Variants in MDGA2 observed in about 807,000 individuals in gnomAD.
MDGA2 encodes MAM domain-containing glycosylphosphatidylinositol anchor protein 2.
MDGA2 carries 40 observed loss-of-function variants against 117.8 expected under a neutral mutation model. That is an observed-to-expected ratio of 0.34 (90% CI 0.26 to 0.44). MDGA2 has a LOEUF of 0.44. Ranked by LOEUF, MDGA2 falls within the 20% of genes least tolerant of loss-of-function variation. MDGA2 has a pLI of 1.00. For synonymous variants in MDGA2, 452 were observed against 439.0 expected (o/e 1.03, Z -0.37); for missense variants, 1,123 against 1,250.6 (o/e 0.90, Z 1.54).
chr14:47,058,325 C>T (rs878990982), intron 7 of MDGA2, among the ~76,000 whole-genome samples: 1 of 152,028 alleles, frequency 6.6e-6, no homozygotes, highest in Admixed American at 6.6e-5. Flanking sequence ...ATGCTTAGCC[C>T]ACAAGTCAGC....
intron 10 of MDGA2, among the ~76,000 whole-genome samples, chr14:46,891,604 T>C (rs1000159164): frequency 1.3e-5 from 2 of 151,502 alleles, no homozygotes; most frequent in African/African-American, 4.8e-5. Flanking sequence ...AATAATACTG[T>C]TCATATTCAT....
At chr14:47,035,501 G>A (rs1175871629) in intron 7 of MDGA2, among the ~76,000 whole-genome samples, 197 bp from the exon 8 acceptor site, 3 of 152,128 alleles carry the variant, frequency 2.0e-5, no homozygotes, top group African/African-American at 7.2e-5. Context: ...ATTTTAAAAT[G>A]AGGACTTCAA....
intron 4 of MDGA2, among the ~76,000 whole-genome samples, chr14:47,135,399 CT>C (rs1021697938): frequency 3.3e-5 from 5 of 152,034 alleles, no homozygotes; most frequent in Non-Finnish European, 7.4e-5. Flanking sequence ...AGCAAACTTA[CT>C]AAAAATCACC....
chr14:47,616,017 C>T (rs369174085), intron 1 of MDGA2, among the ~76,000 whole-genome samples: 9 of 152,244 alleles, frequency 5.9e-5, no homozygotes, highest in East Asian at 1.9e-4. Context: ...AGTTACTCCA[C>T]GTCTCCTGGG....
rs545508842 is a variant in MDGA2, at chr14:47,315,085, AT to A, written c.281-13536del. 3.0e-3 allele frequency among the ~76,000 whole-genome samples: 452 copies of A among 152,054 alleles called. 3 individuals carry two copies. Among genetic ancestry groups the A allele is most frequent in the African/African-American group, 0.01 (428 of 41,470 alleles). On this transcript the variant is annotated intron_variant, in intron 1 of 16. Transcript: ENST00000399232. ...TTCAATTTTTTTGTACAATGAGCAC[AT>A]TTTTTCCCCCAGAGCTAATATAATG...
intron 10 of MDGA2, 21 bp from the exon 11 acceptor site, chr14:46,882,242 G>C: frequency 6.3e-7 from 1 of 1,592,580 alleles, no homozygotes; most frequent in Non-Finnish European, 8.6e-7. Flanking sequence ...AACAATAATA[G>C]AATAATGTTC....
At chr14:47,659,521 C>T (rs1897806513) in intron 1 of MDGA2, among the ~76,000 whole-genome samples, 2 of 152,278 alleles carry the variant, frequency 1.3e-5, no homozygotes, top group Non-Finnish European at 2.9e-5. Context: ...AGATATTTTA[C>T]CTTTTATTTT....
chr14:47,358,139 G>T (rs958701892), intron 1 of MDGA2, among the ~76,000 whole-genome samples: 1 of 152,136 alleles, frequency 6.6e-6, no homozygotes, highest in African/African-American at 2.4e-5. Flanking sequence ...CTCCTCATTA[G>T]TATACTAAAA....
chr14:47,315,678 C>G (rs145139028), intron 1 of MDGA2, among the ~76,000 whole-genome samples: 3 of 152,002 alleles, frequency 2.0e-5, no homozygotes, highest in Non-Finnish European at 2.9e-5. Flanking sequence ...AAGGAATGAC[C>G]AAGCTCATTA....
At chr14:47,435,520 A>T (rs1224470043) in intron 1 of MDGA2, among the ~76,000 whole-genome samples, 1 of 152,116 alleles carries the variant, frequency 6.6e-6, no homozygotes, top group Non-Finnish European at 1.5e-5. Context: ...GTTTTCACTA[A>T]CAAAACCCTC....
rs1882633877 is a variant in MDGA2 at position 47,139,821 on chromosome 14, TATATATACAC to T, written c.792+4247_792+4256del. The stretch of plus-strand genomic sequence containing the variant: ...ATATATATGTATATATATACACACA[TATATATACAC>T]ATATATATATACACACATATATATA... On this transcript the variant is annotated intron_variant, in intron 4 of 16. Transcript: ENST00000399232. Among the ~76,000 whole-genome samples, 4 of 94,968 alleles carry T rather than the reference TATATATACAC, an allele frequency of 4.2e-5. No homozygotes were observed. In the Admixed American group the frequency reaches 4.8e-4, roughly 11 times the overall value. 62.3% of individuals were successfully genotyped at this position (94,968 alleles called of 152,430 possible).
chr14:47,117,817 T>G (rs1056073945), intron 5 of MDGA2, among the ~76,000 whole-genome samples: 2 of 152,110 alleles, frequency 1.3e-5, no homozygotes, highest in Non-Finnish European at 2.9e-5. Flanking sequence ...AAGAATAAGC[T>G]CTAGAGATCT....
At chr14:47,282,703 AAAAAC>A (rs1246666131) in intron 2 of MDGA2, among the ~76,000 whole-genome samples, 2 of 149,216 alleles carry the variant, frequency 1.3e-5, no homozygotes, top group African/African-American at 2.4e-5. Context: ...TCTCAAAAAA[AAAAAC>A]AAAAAACAAA....
intron 8 of MDGA2, among the ~76,000 whole-genome samples, chr14:46,961,009 CTT>C (rs1885787084): frequency 6.6e-6 from 1 of 151,138 alleles, no homozygotes; most frequent in Admixed American, 6.6e-5. Context: ...GGTTGGCAGG[CTT>C]TGTTCTTTCA....
At chr14:47,613,041 C>T (rs1488848505) in intron 1 of MDGA2, among the ~76,000 whole-genome samples, 4 of 152,136 alleles carry the variant, frequency 2.6e-5, no homozygotes, top group African/African-American at 7.2e-5. Context: ...CTCAGAAAGC[C>T]GTTCACATTG....
chr14:47,029,272 C>T (rs866490598), intron 8 of MDGA2, among the ~76,000 whole-genome samples: 5 of 152,284 alleles, frequency 3.3e-5, no homozygotes, highest in African/African-American at 1.2e-4. Context: ...ATCTCTGGCT[C>T]TCTCTCCTTC....
At chr14:47,573,790 G>A (rs552283911) in intron 1 of MDGA2, among the ~76,000 whole-genome samples, 17 of 152,228 alleles carry the variant, frequency 1.1e-4, no homozygotes, top group African/African-American at 3.9e-4. Context: ...GACATGGAAG[G>A]AGTGTTTTAC....
At chr14:47,088,015 T>C (rs1468778920) in intron 6 of MDGA2, among the ~76,000 whole-genome samples, 1 of 152,046 alleles carries the variant, frequency 6.6e-6, no homozygotes, top group Admixed American at 6.6e-5. Context: ...AAAATTTAAA[T>C]GTTTTAATAA....
chr14:47,604,487 A>ACCCCCCCCCCCCCCCCCCCCCCCC (rs60602833), intron 1 of MDGA2, among the ~76,000 whole-genome samples: 3 of 92,054 alleles, frequency 3.3e-5, no homozygotes, highest in Non-Finnish European at 4.4e-5. Context: ...CAGCTTCCCC[A>ACCCCCCCCCCCCCCCCCCCCCCCC]CCCCCCCCCA....
Sources: gnomAD v4.1 joint callset for allele counts (sites outside exome capture counted in the v4.1 genomes callset) on GRCh38, gnomAD v4.1.1 for gene constraint, MANE v1.5 for transcripts, NCBI Gene and HGNC (gene_info 2026-07-23, HGNC 2026-07-21) for gene names.